The following APBA1 variants were observed in gnomAD, a reference collection of about 807,000 sequenced individuals.
The protein encoded by APBA1 is amyloid-beta A4 precursor protein-binding family A member 1.
In APBA1, 55 loss-of-function variants were observed where a neutral mutation model predicts 86.6. That is an observed-to-expected ratio of 0.64 (90% confidence interval 0.51 to 0.80). The LOEUF is 0.80. Among genes scored for constraint, APBA1 ranks in the 30% least tolerant of loss-of-function variants. APBA1 has a pLI of 0.00. For missense variants in APBA1, 1,090 were observed against 1,183.0 expected, an observed-to-expected ratio of 0.92 and a Z score of 1.15; for synonymous variants, 511 against 493.9, an observed-to-expected ratio of 1.03 and a Z score of -0.46.
intron 1 of APBA1, among the ~76,000 whole-genome samples, chr9:69,617,835 G>A (rs1449300329): frequency 1.3e-5 from 2 of 151,976 alleles, no homozygotes; most frequent in East Asian, 1.9e-4. Context: ...ACTGTTGTGC[G>A]ACTTTCCCTC....
chr9:69,439,547 T>C (rs1212676040), intron 11 of APBA1, among the ~76,000 whole-genome samples: 16 of 152,218 alleles, frequency 1.1e-4, no homozygotes, highest in African/African-American at 1.7e-4. Flanking sequence ...CATCTTCCAT[T>C]GCTGATACCC....
chr9:69,499,627 G>A (rs1214136205), intron 2 of APBA1, among the ~76,000 whole-genome samples: 2 of 150,736 alleles, frequency 1.3e-5, no homozygotes, highest in Non-Finnish European at 2.9e-5. Flanking sequence ...GAATTAGCAT[G>A]TGCACTTGAC....
At chr9:69,633,401 T>C (rs1347899546) in intron 1 of APBA1, among the ~76,000 whole-genome samples, 1 of 152,152 alleles carries the variant, frequency 6.6e-6, no homozygotes, top group Non-Finnish European at 1.5e-5. Flanking sequence ...TGGAATACTT[T>C]CTATAAGCAG....
chr9:69,538,865 C>T (rs528202842), intron 1 of APBA1, among the ~76,000 whole-genome samples: 4 of 152,314 alleles, frequency 2.6e-5, no homozygotes, highest in South Asian at 2.1e-4. Context: ...CCATTCCAAT[C>T]GGGCTCCCAT....
At chr9:69,610,938 T>C (rs902617473) in intron 1 of APBA1, among the ~76,000 whole-genome samples, 3 of 152,180 alleles carry the variant, frequency 2.0e-5, no homozygotes, top group Non-Finnish European at 4.4e-5. Flanking sequence ...ACTATACAGT[T>C]AAAGGTAGAG....
chr9:69,564,109 G>T (rs544641430), intron 1 of APBA1, among the ~76,000 whole-genome samples: 21 of 152,226 alleles, frequency 1.4e-4, no homozygotes, highest in African/African-American at 4.8e-4. Context: ...CCTGACTTCT[G>T]TATTTCTAAT....
At chr9:69,665,116 C>G (rs1404323394) in intron 1 of APBA1, among the ~76,000 whole-genome samples, 1 of 152,196 alleles carries the variant, frequency 6.6e-6, no homozygotes, top group Non-Finnish European at 1.5e-5. Flanking sequence ...CTAATCTTAG[C>G]AGCCCTAAAG....
chr9:69,619,957 G>A (rs568275291), intron 1 of APBA1, among the ~76,000 whole-genome samples: 24 of 152,232 alleles, frequency 1.6e-4, no homozygotes, highest in Non-Finnish European at 2.5e-4. Context: ...CGGTTTCTAC[G>A]TGAAAAGTTA....
intron 5 of APBA1, chr9:69,463,720 A>T (rs1320527501): frequency 6.6e-6 from 1 of 152,214 alleles, no homozygotes; most frequent in African/African-American, 2.4e-5. Context: ...AGAGGAAGAG[A>T]GGGACAAAAC....
chr9:69,487,021 A>G (rs1475805023), intron 2 of APBA1, among the ~76,000 whole-genome samples: 1 of 152,098 alleles, frequency 6.6e-6, no homozygotes, highest in Non-Finnish European at 1.5e-5. Context: ...ATCTGCAGAA[A>G]GAAACTTTTA....
intron 1 of APBA1, among the ~76,000 whole-genome samples, chr9:69,662,129 C>T (rs918145797): frequency 4.0e-5 from 6 of 151,894 alleles, no homozygotes; most frequent in African/African-American, 1.5e-4. Flanking sequence ...GAAGCTACTG[C>T]TGGGCCCAGA....
At chr9:69,468,101 C>A in intron 4 of APBA1, 133 bp from the exon 5 acceptor site, 2 of 1,042,234 alleles carry the variant, frequency 1.9e-6, no homozygotes, top group South Asian at 3.0e-5. Context: ...TGGTCTGAGG[C>A]ATCTCTCTGT....
At chr9:69,433,194 G>GCGGC (rs1834635483) in intron 11 of APBA1, among the ~76,000 whole-genome samples, 1 of 152,188 alleles carries the variant, frequency 6.6e-6, no homozygotes, top group Non-Finnish European at 1.5e-5. Context: ...TCCCAATTCA[G>GCGGC]CGGCCCCTGT....
chr9:69,593,367 G>A (rs1023460193), intron 1 of APBA1, among the ~76,000 whole-genome samples: 2 of 152,072 alleles, frequency 1.3e-5, no homozygotes, highest in African/African-American at 4.8e-5. Context: ...TATGATACGG[G>A]GTTGCTTTGA....
chr9:69,490,547 A>T lies in APBA1; in HGVS notation c.1201-14404T>A, dbSNP rs370580885. Among the ~76,000 whole-genome samples the T allele has an allele frequency of 1.2e-3, 186 of 152,186 alleles. 2 individuals carry two copies. Among genetic ancestry groups the T allele is most frequent in the Non-Finnish European group, 2.0e-3 (133 of 68,010 alleles). ...ACCATTCAGGACATAGGCATGGGCA[A>T]ATACTTCATGTCTAAAACACCAAAA... On this transcript the variant is annotated intron_variant, in intron 2 of 12. Transcript: ENST00000265381.
intron 1 of APBA1, among the ~76,000 whole-genome samples, chr9:69,594,552 T>A (rs936706409): frequency 6.6e-6 from 1 of 152,168 alleles, no homozygotes; most frequent in Non-Finnish European, 1.5e-5. Flanking sequence ...AAGATTTGGA[T>A]GACATTATAG....
intron 2 of APBA1, among the ~76,000 whole-genome samples, chr9:69,489,647 A>C (rs1346461375): frequency 6.6e-6 from 1 of 152,150 alleles, no homozygotes; most frequent in Non-Finnish European, 1.5e-5. Context: ...AAACAACCCC[A>C]TCAAAAAGTG....
At chr9:69,607,355 T>C (rs1822496463) in intron 1 of APBA1, among the ~76,000 whole-genome samples, 1 of 152,104 alleles carries the variant, frequency 6.6e-6, no homozygotes, top group East Asian at 1.9e-4. Context: ...TTCACTATCA[T>C]GAGAACAGCA....
chr9:69,624,754 C>T (rs1469112787), intron 1 of APBA1, among the ~76,000 whole-genome samples: 1 of 152,130 alleles, frequency 6.6e-6, no homozygotes, highest in Non-Finnish European at 1.5e-5. Flanking sequence ...TAAAACAAAG[C>T]ATGATGATTT....
Sources: allele counts gnomAD v4.1 joint callset (sites outside exome capture counted in the v4.1 genomes callset), GRCh38; gene constraint gnomAD v4.1.1; transcripts MANE v1.5; gene names NCBI Gene and HGNC (gene_info 2026-07-23, HGNC 2026-07-21).